Variants in PRUNE2 observed in about 807,000 individuals in gnomAD.
PRUNE2 encodes prune homolog 2 with BCH domain.
A neutral mutation model predicts 252.0 loss-of-function variants in PRUNE2; 164 were observed. The observed-to-expected ratio is 0.65, with a 90% CI of 0.57 to 0.74. The LOEUF is 0.74. Among genes scored for constraint, PRUNE2 ranks in the 30% least tolerant of loss-of-function variants. PRUNE2 has a pLI of 0.00. For synonymous variants in PRUNE2, 1,292 were observed against 1,350.2 expected, an observed-to-expected ratio of 0.96 and a Z score of 0.94; for missense variants, 3,495 against 3,711.0, an observed-to-expected ratio of 0.94 and a Z score of 1.51.
chr9:76,656,481 T>A (rs926536467), intron 9 of PRUNE2, among the ~76,000 whole-genome samples: 18 of 152,204 alleles, frequency 1.2e-4, no homozygotes, highest in African/African-American at 4.1e-4. Context: ...TTGCACTATG[T>A]AACGCTGGAT....
At position 76,739,319 on chromosome 9, in the gene PRUNE2, G is replaced by C. The variant is rs370836156; in HGVS notation, c.757-25598C>G. The C allele has an allele frequency of 6.6e-5, 10 of 152,198 alleles. No individual in the cohort carries two copies. The South Asian group carries it at 2.1e-3, about 32-fold the overall frequency. The allele number at this position is 152,198 out of a possible 1,614,324, so 9.4% of individuals were successfully genotyped here. On this transcript the variant is annotated intron_variant, in intron 6 of 18. Coordinates refer to ENST00000376718, the MANE Select transcript of PRUNE2 (RefSeq NM_015225.3). ...CTGTCATTAAGTAGTGATGTGGCTC[G>C]ATGTGAAAAGTGACAGCCTCAAGCT...
chr9:76,830,953 G>A (rs1490516138), intron 4 of PRUNE2, among the ~76,000 whole-genome samples: 13 of 148,202 alleles, frequency 8.8e-5, no homozygotes, highest in African/African-American at 1.5e-4. Context: ...TTTTTGAGAC[G>A]GAGTCCTGCT....
chr9:76,615,709 GTTA>G (rs1009421646), intron 18 of PRUNE2, among the ~76,000 whole-genome samples: 16 of 144,626 alleles, frequency 1.1e-4, no homozygotes, highest in Non-Finnish European at 2.1e-4. Context: ...CATAATGTCT[GTTA>G]TTATTAGCAG....
intron 6 of PRUNE2, among the ~76,000 whole-genome samples, chr9:76,750,701 G>C (rs1357874136): frequency 6.6e-6 from 1 of 152,198 alleles, no homozygotes; most frequent in East Asian, 1.9e-4. Context: ...AGGAGGTACT[G>C]AACTAAGGCA....
chr9:76,773,301 G>A (rs2053315344), intron 6 of PRUNE2, among the ~76,000 whole-genome samples: 1 of 152,104 alleles, frequency 6.6e-6, no homozygotes, highest in African/African-American at 2.4e-5. Context: ...AGAAATTTCT[G>A]TAAACCCTGG....
intron 1 of PRUNE2, among the ~76,000 whole-genome samples, chr9:76,876,213 C>T (rs7875768): frequency 0.061 from 9,359 of 152,196 alleles, 913 homozygotes; most frequent in African/African-American, 0.21. Context: ...AATAAAAATA[C>T]ACAATGAATA....
intron 6 of PRUNE2, among the ~76,000 whole-genome samples, chr9:76,822,599 G>A (rs905418694): frequency 3.3e-5 from 5 of 152,212 alleles, no homozygotes; most frequent in Admixed American, 3.3e-4. Context: ...TTTGAGGTCA[G>A]GAGTTCAAGA....
chr9:76,809,243 G>A (rs1203644449), intron 6 of PRUNE2, among the ~76,000 whole-genome samples: 4 of 152,150 alleles, frequency 2.6e-5, no homozygotes, highest in East Asian at 3.8e-4. Flanking sequence ...CCAATCATCC[G>A]TAAGCTTAGG....
chr9:76,617,905 C>T (rs1178460801), intron 18 of PRUNE2, among the ~76,000 whole-genome samples: 2 of 152,162 alleles, frequency 1.3e-5, no homozygotes, highest in African/African-American at 4.8e-5. Flanking sequence ...GTTAACTGCT[C>T]AAGGGGGGTG....
intron 1 of PRUNE2, among the ~76,000 whole-genome samples, 174 bp from the exon 2 acceptor site, chr9:76,854,382 ACT>A (rs1375195648): frequency 5.9e-5 from 9 of 152,254 alleles, no homozygotes; most frequent in African/African-American, 1.7e-4. Context: ...AGTGTTTAAC[ACT>A]CTGAAATATT....
chr9:76,850,504 C>G lies in PRUNE2; in HGVS notation c.303G>C (p.Gly101=). The change falls in exon 3 of 19, where the codon GGG becomes GGC. Residue 101 remains glycine, a synonymous_variant. Transcript: ENST00000376718. ...EINLHQLNDE[G]KLSITLVGSS... is the part of the protein sequence containing the mutation. ...TGCCAACAAGTGTTATCGATAACTT[C>G]CCTTCATCATTTAGCTGATGCAGGT... is the stretch of plus-strand genomic sequence containing the variant. The G allele has an allele frequency of 1.2e-6, 2 of 1,614,086 alleles. No individual in the cohort carries two copies. Among genetic ancestry groups the G allele is most frequent in the Non-Finnish European group, 1.7e-6 (2 of 1,179,952 alleles).
At chr9:76,843,965 T>G (rs1371944541) in intron 4 of PRUNE2, among the ~76,000 whole-genome samples, 1 of 152,170 alleles carries the variant, frequency 6.6e-6, no homozygotes, top group Admixed American at 6.5e-5. Flanking sequence ...TGACCTTAAG[T>G]GATCTGCCCT....
intron 7 of PRUNE2, among the ~76,000 whole-genome samples, chr9:76,712,526 T>A (rs2046816735): frequency 6.6e-6 from 1 of 152,190 alleles, no homozygotes; most frequent in African/African-American, 2.4e-5. Context: ...TGGGGTCAAC[T>A]CAAGAGCTTT....
intron 6 of PRUNE2, among the ~76,000 whole-genome samples, chr9:76,752,538 T>A (rs1375641776): frequency 6.6e-6 from 1 of 151,884 alleles, no homozygotes; most frequent in African/African-American, 2.4e-5. Context: ...AAAGTTTTTT[T>A]CCTTATATGG....
chr9:76,847,419 T>G (rs556359950), intron 3 of PRUNE2, among the ~76,000 whole-genome samples: 1 of 144,698 alleles, frequency 6.9e-6, no homozygotes, highest in Non-Finnish European at 1.5e-5. Flanking sequence ...ATTGTATAAG[T>G]TTTTTTTAAT....
At position 76,725,277 on chromosome 9, in the gene PRUNE2, C is replaced by A. The variant is rs2048010427; in HGVS notation, c.757-11556G>T. On this transcript the variant is annotated intron_variant, in intron 6 of 18. Transcript: ENST00000376718. ...TTTTTCTAAGCTGTGTCAATATTAA[C>A]CTGACCAAATGAAGATCAAACTGTC... Among the ~76,000 whole-genome samples, 3 of 152,234 alleles carry A rather than the reference C, an allele frequency of 2.0e-5. No homozygotes were observed. The South Asian group carries it at 6.2e-4, about 32-fold the overall frequency.
intron 1 of PRUNE2, chr9:76,857,251 C>T: frequency 2.4e-6 from 1 of 413,266 alleles, no homozygotes; most frequent in Non-Finnish European, 4.8e-6. Flanking sequence ...TCTTGGTGCC[C>T]AGGCTCTCAA....
intron 9 of PRUNE2, among the ~76,000 whole-genome samples, chr9:76,668,375 T>A (rs909858499): frequency 1.3e-5 from 2 of 152,160 alleles, no homozygotes; most frequent in African/African-American, 4.8e-5. Context: ...CTTCCCTACA[T>A]CATGCTATCT....
chr9:76,638,167 T>C lies in PRUNE2; in HGVS notation c.8831+19A>G, dbSNP rs1341016504. ...CCACAGACATTAACTCAAAGCACTTTGTCATAAGTATCACTCACAGGAAAA... is the reference window on the plus strand; with the variant it reads ...CCACAGACATTAACTCAAAGCACTTCGTCATAAGTATCACTCACAGGAAAA... On this transcript the variant is annotated intron_variant, in intron 13 of 18. Coordinates refer to ENST00000376718, the MANE Select transcript of PRUNE2 (RefSeq NM_015225.3). 6.6e-7 allele frequency: 1 copy of C among 1,519,252 alleles called. No homozygotes were observed. The highest frequency in any genetic ancestry group is 9.1e-7 in the Non-Finnish European group (1 of 1,094,244). 94.1% of individuals were successfully genotyped at this position (1,519,252 alleles called of 1,614,324 possible). A position where few individuals can be genotyped will look rare whatever the true frequency, so the allele number is the denominator to read the frequency against.
Sources: gnomAD v4.1 joint callset for allele counts (sites outside exome capture counted in the v4.1 genomes callset) on GRCh38, gnomAD v4.1.1 for gene constraint, MANE v1.5 for transcripts, NCBI Gene and HGNC (gene_info 2026-07-23, HGNC 2026-07-21) for gene names.